Variants in PLA2G4E observed in about 807,000 individuals in gnomAD.
PLA2G4E encodes the protein cytosolic phospholipase A2 epsilon.
PLA2G4E carries 84 observed loss-of-function variants against 109.1 expected under a neutral mutation model. The ratio of observed to expected loss-of-function variants is 0.77; its 90% CI spans 0.65 to 0.92. The LOEUF (loss-of-function observed/expected upper bound fraction) is 0.92, where lower values mean the gene tolerates loss of function less well. Among genes scored for constraint, PLA2G4E ranks in the 40% least tolerant of loss-of-function variants. The pLI is 0.00. For synonymous variants in PLA2G4E, 469 were observed against 436.1 expected (o/e 1.08, Z -0.94); for missense variants, 1,057 against 1,076.6 (o/e 0.98, Z 0.25).
intron 9 of PLA2G4E, 73 bp downstream of exon 9, chr15:41,999,844 C>A: frequency 2.1e-6 from 3 of 1,450,678 alleles, no homozygotes; most frequent in Middle Eastern, 1.7e-4. Context: ...CCTCCCCAGG[C>A]TCTCCCCACC....
Position 42,028,847 on chromosome 15 carries a change from G to C in PLA2G4E, c.184-15090C>G, listed in dbSNP as rs1310481850. 3.9e-5 allele frequency among the ~76,000 whole-genome samples: 6 copies of C among 152,264 alleles called. No individual in the cohort carries two copies. The South Asian group carries it at 1.2e-3, about 32-fold the overall frequency. On this transcript the variant is annotated intron_variant, in intron 1 of 19. Transcript: ENST00000399518. ...CAAGCCTTACAGCTTCTCTGGGTAA[G>C]ATGAGATTAAAAAATCAACCATGGA... is the stretch of plus-strand genomic sequence containing the variant.
rs115575499 is a variant in PLA2G4E, at chr15:42,034,631, C to T, written c.183+15890G>A. On this transcript the variant is annotated intron_variant, in intron 1 of 19. Transcript: ENST00000399518. The stretch of plus-strand genomic sequence containing the variant: ...TGGTTCAGGAACAATTAAATCTCCT[C>T]CTCTGCCCCCTCCTCTTCTACGTCC... 6.0e-3 allele frequency among the ~76,000 whole-genome samples: 917 copies of T among 152,334 alleles called. 14 individuals carry two copies. Among genetic ancestry groups the T allele is most frequent in the African/African-American group, 0.021 (882 of 41,566 alleles).
chr15:41,995,299 C>T, intron 12 of PLA2G4E, 61 bp downstream of exon 12: 1 of 1,583,668 alleles, frequency 6.3e-7, no homozygotes, highest in Non-Finnish European at 8.6e-7. Flanking sequence ...ACCTGAGACC[C>T]CAGGCCAGCC....
intron 13 of PLA2G4E, among the ~76,000 whole-genome samples, chr15:41,990,617 A>T (rs1228058175): frequency 6.6e-6 from 1 of 151,614 alleles, no homozygotes; most frequent in Non-Finnish European, 1.5e-5. Flanking sequence ...TAGCATCTCC[A>T]TTTTTTAAAA....
At position 42,038,792 on chromosome 15, in the gene PLA2G4E, C is replaced by G. The variant is rs555287446; in HGVS notation, c.183+11729G>C. ...GTCATGTTTCTTTAGTGTCTATATT[C>G]CTAGGAGTATAAATTGCTGGGTTAT... is the stretch of plus-strand genomic sequence containing the variant. On this transcript the variant is annotated intron_variant, in intron 1 of 19. Transcript: ENST00000399518. Among the ~76,000 whole-genome samples, 39 of 152,250 alleles carry G rather than the reference C, an allele frequency of 2.6e-4. 1 individual carries two copies. In the South Asian group the frequency reaches 7.7e-3, roughly 30 times the overall value.
chr15:42,025,781 G>A (rs1288084982), intron 1 of PLA2G4E, among the ~76,000 whole-genome samples: 3 of 152,164 alleles, frequency 2.0e-5, no homozygotes, highest in Non-Finnish European at 2.9e-5. Flanking sequence ...CTGAGATGAC[G>A]GTGCTCCTGC....
chr15:42,030,893 A>G (rs978918787), intron 1 of PLA2G4E, among the ~76,000 whole-genome samples: 1 of 152,184 alleles, frequency 6.6e-6, no homozygotes, highest in African/African-American at 2.4e-5. Context: ...TTACTTTTTC[A>G]TTGCTGTGTA....
intron 1 of PLA2G4E, among the ~76,000 whole-genome samples, chr15:42,025,062 C>T (rs1469042747): frequency 6.6e-6 from 1 of 151,762 alleles, no homozygotes; most frequent in Non-Finnish European, 1.5e-5. Context: ...CGGGCATGGT[C>T]GCGGGCACCT....
At chr15:42,050,614 CCTG>C (rs1336171808) in exon 1 of PLA2G4E, 1 of 1,550,502 alleles carries the variant, frequency 6.4e-7, no homozygotes, top group African/African-American at 1.4e-5. Flanking sequence ...TTCTTCCTGA[CCTG>C]CTGCCTTCTT....
Position 42,049,782 on chromosome 15 carries a change from C to A in PLA2G4E, c.183+739G>T, listed in dbSNP as rs1889476230. Reference sequence around the variant, plus strand: ...GCTCAGTCTGGTGCCACCGCTAAGACCATAGCAGCCAGAGGGGCAGAGGAA... The same window carrying A: ...GCTCAGTCTGGTGCCACCGCTAAGAACATAGCAGCCAGAGGGGCAGAGGAA... On this transcript the variant is annotated intron_variant, in intron 1 of 19. Coordinates refer to ENST00000399518, the Ensembl canonical transcript of PLA2G4E. Among the ~76,000 whole-genome samples the A allele has an allele frequency of 2.0e-5, 3 of 152,288 alleles. No individual in the cohort carries two copies. In the South Asian group the frequency reaches 6.2e-4, roughly 32 times the overall value.
chr15:42,010,134 C>CCA (rs1555386999), intron 2 of PLA2G4E: 4 of 464,264 alleles, frequency 8.6e-6, no homozygotes, highest in South Asian at 1.9e-5. Flanking sequence ...GAACACTGGC[C>CCA]CCCCCACCCC....
chr15:42,033,758 C>T (rs1889157917), intron 1 of PLA2G4E, among the ~76,000 whole-genome samples: 1 of 152,184 alleles, frequency 6.6e-6, no homozygotes, highest in South Asian at 2.1e-4. Flanking sequence ...GCACCCTCTC[C>T]CTGCTGCCGC....
chr15:42,004,319 A>G (rs55854266), intron 5 of PLA2G4E, among the ~76,000 whole-genome samples: 47,191 of 149,840 alleles, frequency 0.31, 9,318 homozygotes, highest in African/African-American at 0.54. Context: ...AGGAAAGAAA[A>G]GGAAAGAAAG....
At chr15:42,007,092 G>T (rs926178336) in intron 3 of PLA2G4E, among the ~76,000 whole-genome samples, 4 of 152,230 alleles carry the variant, frequency 2.6e-5, no homozygotes, top group African/African-American at 9.6e-5. Flanking sequence ...GAGGCAGTAA[G>T]GTGGAGCTGT....
intron 3 of PLA2G4E, among the ~76,000 whole-genome samples, chr15:42,007,422 C>T (rs1462476329): frequency 6.6e-6 from 1 of 152,184 alleles, no homozygotes; most frequent in Non-Finnish European, 1.5e-5. Context: ...TCTGTGTATT[C>T]CCCTGCTTGG....
chr15:41,995,178 A>G (rs2068317549), intron 12 of PLA2G4E, among the ~76,000 whole-genome samples, 182 bp downstream of exon 12: 1 of 152,260 alleles, frequency 6.6e-6, no homozygotes, highest in Non-Finnish European at 1.5e-5. Flanking sequence ...GCAGATACAC[A>G]AGCCGAGCCT....
rs150610025 is a variant in PLA2G4E, at chr15:42,050,391, C to T, written c.183+130G>A. On this transcript the variant is annotated intron_variant, in intron 1 of 19. Coordinates refer to ENST00000399518, the Ensembl canonical transcript of PLA2G4E. ...TGGCAGCAGGGTAAAGGGACTCCTC[C>T]GGAGAGAAAGAAATGAACAAAAACC... is the stretch of plus-strand genomic sequence containing the variant. The T allele has an allele frequency of 6.6e-5, 75 of 1,136,418 alleles. No homozygotes were observed. The African/African-American group carries it at 9.9e-4, about 15-fold the overall frequency. The allele number at this position is 1,136,418 out of a possible 1,614,324, so 70.4% of individuals were successfully genotyped here.
chr15:42,047,748 T>A (rs1889439982), intron 1 of PLA2G4E, among the ~76,000 whole-genome samples: 1 of 152,184 alleles, frequency 6.6e-6, no homozygotes, highest in Non-Finnish European at 1.5e-5. Context: ...TTTTATCATG[T>A]TCAGATATTT....
chr15:42,000,347 A>C, intron 7 of PLA2G4E, 65 bp from the exon 8 acceptor site: 1 of 1,443,134 alleles, frequency 6.9e-7, no homozygotes, highest in South Asian at 1.4e-5. Context: ...AACTTGGTCC[A>C]GCAAAAAACC....
Sources: gnomAD v4.1 joint callset for allele counts (sites outside exome capture counted in the v4.1 genomes callset) on GRCh38, gnomAD v4.1.1 for gene constraint, MANE v1.5 for transcripts, NCBI Gene and HGNC (gene_info 2026-07-23, HGNC 2026-07-21) for gene names.